Variants in LRRC3B observed in about 807,000 individuals in gnomAD.
LRRC3B encodes leucine-rich repeat-containing protein 3B.
LRRC3B carries 2 observed loss-of-function variants against 12.8 expected under a neutral mutation model. The observed-to-expected ratio is 0.16, with a 90% CI of 0.06 to 0.49. The LOEUF (loss-of-function observed/expected upper bound fraction) is 0.49, where lower values mean the gene tolerates loss of function less well. LRRC3B is among the 20% of genes least tolerant of loss of function. The pLI, the probability that LRRC3B is intolerant of heterozygous loss-of-function variation, is 0.96. For synonymous variants in LRRC3B, 132 were observed against 122.0 expected (o/e 1.08, Z -0.54); for missense variants, 189 against 319.4 (o/e 0.59, Z 3.11).
intron 1 of LRRC3B, among the ~76,000 whole-genome samples, chr3:26,630,622 G>A (rs1032922580): frequency 6.6e-6 from 1 of 152,150 alleles, no homozygotes; most frequent in Non-Finnish European, 1.5e-5. Context: ...ATAATCACTA[G>A]TATGGCTACT....
chr3:26,673,895 T>G (rs535019252), intron 1 of LRRC3B, among the ~76,000 whole-genome samples: 7 of 152,346 alleles, frequency 4.6e-5, no homozygotes, highest in African/African-American at 1.7e-4. Context: ...GGTCCCTGGT[T>G]TGTGGACCAC....
intron 1 of LRRC3B, among the ~76,000 whole-genome samples, chr3:26,637,078 C>A (rs765694359): frequency 9.3e-5 from 14 of 150,794 alleles, no homozygotes; most frequent in Non-Finnish European, 1.5e-4. Flanking sequence ...CTCACTGCAA[C>A]CTCCGCCTCT....
At chr3:26,681,657 G>A (rs1328805707) in intron 1 of LRRC3B, among the ~76,000 whole-genome samples, 1 of 152,004 alleles carries the variant, frequency 6.6e-6, no homozygotes, top group Non-Finnish European at 1.5e-5. Context: ...CCCAAATAAG[G>A]GCCGAATAAA....
intron 1 of LRRC3B, among the ~76,000 whole-genome samples, chr3:26,636,225 A>T (rs1188032752): frequency 6.6e-6 from 1 of 151,236 alleles, no homozygotes; most frequent in Admixed American, 6.6e-5. Flanking sequence ...TAGTAAAATA[A>T]AGAAGTCCTT....
intron 1 of LRRC3B, among the ~76,000 whole-genome samples, chr3:26,706,742 G>T (rs1484697278): frequency 6.6e-6 from 1 of 152,206 alleles, no homozygotes; most frequent in East Asian, 1.9e-4. Context: ...AAAGAAGCCT[G>T]CTGAGGAAGA....
At chr3:26,670,296 T>TA (rs770607410) in intron 1 of LRRC3B, among the ~76,000 whole-genome samples, 1 of 152,186 alleles carries the variant, frequency 6.6e-6, no homozygotes, top group South Asian at 2.1e-4. Context: ...ACAGACACAT[T>TA]AGTAGTATGT....
intron 1 of LRRC3B, among the ~76,000 whole-genome samples, chr3:26,697,343 C>T (rs1320999487): frequency 2.0e-5 from 3 of 152,170 alleles, no homozygotes; most frequent in African/African-American, 7.2e-5. Flanking sequence ...CACTTCTTGA[C>T]TTGTGGCTAT....
At chr3:26,660,022 G>T (rs977607160) in intron 1 of LRRC3B, among the ~76,000 whole-genome samples, 1 of 152,134 alleles carries the variant, frequency 6.6e-6, no homozygotes, top group African/African-American at 2.4e-5. Context: ...CCCTCACTTT[G>T]CTTAGAGTTT....
chr3:26,705,119 A>C (rs1194280930), intron 1 of LRRC3B, among the ~76,000 whole-genome samples: 2 of 152,306 alleles, frequency 1.3e-5, no homozygotes, highest in African/African-American at 2.4e-5. Context: ...GCAGAAAGAC[A>C]GTTGTTAATC....
intron 1 of LRRC3B, among the ~76,000 whole-genome samples, chr3:26,700,216 C>T (rs2125458052): frequency 6.6e-6 from 1 of 152,220 alleles, no homozygotes; most frequent in Middle Eastern, 3.4e-3. Flanking sequence ...TCAGAGTGGC[C>T]TTTAAGAAAT....
intron 1 of LRRC3B, among the ~76,000 whole-genome samples, chr3:26,685,187 AG>A (rs1700050338): frequency 1.3e-5 from 2 of 152,036 alleles, no homozygotes; most frequent in South Asian, 2.1e-4. Context: ...TCCCGACCTC[AG>A]GTGATCCACC....
chr3:26,695,542 C>CAAAA (rs1238069765), intron 1 of LRRC3B, among the ~76,000 whole-genome samples: 1 of 151,756 alleles, frequency 6.6e-6, no homozygotes, highest in African/African-American at 2.4e-5. Flanking sequence ...AACAAACAAA[C>CAAAA]AAAAAAACTT....
At chr3:26,703,380 T>G (rs1409267172) in intron 1 of LRRC3B, among the ~76,000 whole-genome samples, 1 of 152,050 alleles carries the variant, frequency 6.6e-6, no homozygotes, top group Non-Finnish European at 1.5e-5. Flanking sequence ...ATTCAGAGCT[T>G]CCTACAGCAA....
At chr3:26,658,634 T>C (rs1339687367) in intron 1 of LRRC3B, among the ~76,000 whole-genome samples, 1 of 152,252 alleles carries the variant, frequency 6.6e-6, no homozygotes, top group Admixed American at 6.5e-5. Flanking sequence ...TCAGATGATG[T>C]GCTCTCTTTG....
intron 1 of LRRC3B, among the ~76,000 whole-genome samples, chr3:26,688,129 A>G (rs937619990): frequency 6.6e-6 from 1 of 152,246 alleles, no homozygotes; most frequent in African/African-American, 2.4e-5. Context: ...GGACGAACCT[A>G]TAAAGATATA....
chr3:26,633,043 A>T (rs1048776484), intron 1 of LRRC3B, among the ~76,000 whole-genome samples: 1 of 152,120 alleles, frequency 6.6e-6, no homozygotes, highest in Non-Finnish European at 1.5e-5. Context: ...AGCATATACC[A>T]CTGCCCCTGC....
chr3:26,675,396 C>G (rs1201541577), intron 1 of LRRC3B, among the ~76,000 whole-genome samples: 1 of 152,196 alleles, frequency 6.6e-6, no homozygotes, highest in African/African-American at 2.4e-5. Flanking sequence ...TTCAGCCAGA[C>G]ACACACTGTG....
rs976850901 is a variant in LRRC3B, at chr3:26,688,865, T to C, written c.-160-20648T>C. Among the ~76,000 whole-genome samples, 7 of 152,180 alleles carry C rather than the reference T, an allele frequency of 4.6e-5. No homozygotes were observed. The South Asian group carries it at 1.4e-3, about 31-fold the overall frequency. ...GAGTACAGTTTTTAACCACTTTGATTTGTGGCTGTAGAATGGCAAGCACAG... is the reference window on the plus strand; with the variant it reads ...GAGTACAGTTTTTAACCACTTTGATCTGTGGCTGTAGAATGGCAAGCACAG... On this transcript the variant is annotated intron_variant, in intron 1 of 1. Coordinates refer to ENST00000396641, the Ensembl canonical transcript of LRRC3B.
intron 1 of LRRC3B, among the ~76,000 whole-genome samples, chr3:26,700,057 A>T (rs1380330013): frequency 6.6e-6 from 1 of 152,196 alleles, no homozygotes; most frequent in Admixed American, 6.5e-5. Flanking sequence ...GAGTTAATGT[A>T]TTCAGAAGAG....
Sources: allele counts gnomAD v4.1 joint callset (sites outside exome capture counted in the v4.1 genomes callset), GRCh38; gene constraint gnomAD v4.1.1; transcripts MANE v1.5; gene names NCBI Gene and HGNC (gene_info 2026-07-23, HGNC 2026-07-21).